Variants in PLEKHD1 observed in about 807,000 individuals in gnomAD.
The protein encoded by PLEKHD1 is pleckstrin homology and coiled-coil domain containing D1.
A neutral mutation model predicts 69.2 loss-of-function variants in PLEKHD1; 51 were observed. The observed-to-expected ratio is 0.74, with a 90% CI of 0.59 to 0.93. PLEKHD1 has a LOEUF of 0.93. PLEKHD1 is among the 40% of genes least tolerant of loss of function. The probability of loss-of-function intolerance (pLI) is 0.00; values close to 1 mark genes in which losing one functional copy is unlikely to be tolerated. For missense variants in PLEKHD1, 584 were observed against 641.0 expected (o/e 0.91, Z 0.96); for synonymous variants, 236 against 244.7 (o/e 0.96, Z 0.33).
Position 69,496,288 on chromosome 14 carries a change from A to G in PLEKHD1, c.150-3827A>G, listed in dbSNP as rs561225442. Among the ~76,000 whole-genome samples, 4 of 152,304 alleles carry G rather than the reference A, an allele frequency of 2.6e-5. No homozygotes were observed. The South Asian group carries it at 8.3e-4, about 32-fold the overall frequency. On this transcript the variant is annotated intron_variant, in intron 1 of 12. Coordinates refer to ENST00000322564, the MANE Select transcript of PLEKHD1 (RefSeq NM_001161498.2). Reference sequence around the variant, plus strand: ...TGGGTGGGGCTCCAGAAGTGACAGGAAGGCATAAAGGTATTTATTTGTTTC... The same window carrying G: ...TGGGTGGGGCTCCAGAAGTGACAGGGAGGCATAAAGGTATTTATTTGTTTC...
At chr14:69,526,587 G>A in intron 9 of PLEKHD1, 110 bp from the exon 10 acceptor site, 2 of 1,328,560 alleles carry the variant, frequency 1.5e-6, no homozygotes, top group Non-Finnish European at 2.0e-6. Flanking sequence ...GGCTCATAAA[G>A]CCTGGGATTC....
At chr14:69,507,174 G>A (rs1883172317) in intron 6 of PLEKHD1, among the ~76,000 whole-genome samples, 1 of 152,062 alleles carries the variant, frequency 6.6e-6, no homozygotes. Flanking sequence ...ACAGGCATGA[G>A]CCACCGTGCC....
intron 6 of PLEKHD1, among the ~76,000 whole-genome samples, chr14:69,521,527 G>A (rs564667694): frequency 9.8e-5 from 15 of 152,316 alleles, no homozygotes; most frequent in African/African-American, 3.1e-4. Flanking sequence ...CTCCCACAGT[G>A]TAAAATGTGG....
At chr14:69,483,887 T>C (rs1375824903), upstream of PLEKHD1, among the ~76,000 whole-genome samples, 1 of 152,194 alleles carries the variant, frequency 6.6e-6, no homozygotes, top group Non-Finnish European at 1.5e-5. Context: ...GGCATCTCCC[T>C]GGCCTGAAAA....
rs375022389 is a variant in PLEKHD1, at chr14:69,484,954, C to T, written c.-12C>T. On this transcript the variant is annotated 5_prime_UTR_variant, in exon 1 of 13. Coordinates refer to ENST00000322564, the MANE Select transcript of PLEKHD1 (RefSeq NM_001161498.2). ...GTGGGGTCCGGGCCGGGCACAGCCC[C>T]GCTGAGGCAGGATGTTCACGTCCAA... 37 of 1,549,830 alleles carry T rather than the reference C, an allele frequency of 2.4e-5. No individual in the cohort carries two copies. Among genetic ancestry groups the T allele is most frequent in the Non-Finnish European group, 3.1e-5 (35 of 1,146,190 alleles).
At position 69,495,046 on chromosome 14, in the gene PLEKHD1, G is replaced by A. The variant is rs576472983; in HGVS notation, c.150-5069G>A. On this transcript the variant is annotated intron_variant, in intron 1 of 12. Transcript: ENST00000322564. ...TTCTGGGGACAGCTGCAGCCAGGCCGGGTGTGGCATGTGTGATGTGTGGGC... is the reference window on the plus strand; with the variant it reads ...TTCTGGGGACAGCTGCAGCCAGGCCAGGTGTGGCATGTGTGATGTGTGGGC... 5.3e-5 allele frequency among the ~76,000 whole-genome samples: 8 copies of A among 152,258 alleles called. No homozygotes were observed. The South Asian group carries it at 1.0e-3, about 20-fold the overall frequency.
chr14:69,476,527 G>T, the PLEKHD1 span, among the ~76,000 whole-genome samples: 1 of 151,938 alleles, frequency 6.6e-6, no homozygotes, highest in Non-Finnish European at 1.5e-5. Flanking sequence ...TGGCATCACT[G>T]CACTCTAGCC....
In PLEKHD1 at chr14:69,501,798, T is replaced by C. The variant is rs370472092; in HGVS notation, c.475T>C (p.Leu159=). The C allele has an allele frequency of 4.1e-4, 643 of 1,551,390 alleles. 3 individuals are homozygous for C. In the African/African-American group the frequency reaches 8.1e-3, roughly 19 times the overall value. Residue 159 remains leucine (L), a synonymous_variant, in exon 5 of 13, where the codon TTG becomes CTG. Coordinates refer to ENST00000322564, the MANE Select transcript of PLEKHD1 (RefSeq NM_001161498.2). Reference sequence around the variant, plus strand: ...AAGCCTGGAGGCCCAGGGGCTGCAGTTGGCTAAGGAAAAGCAGGAGTATTT... The same window carrying C: ...AAGCCTGGAGGCCCAGGGGCTGCAGCTGGCTAAGGAAAAGCAGGAGTATTT... ...IKSLEAQGLQ[L]AKEKQEYLDK...
chr14:69,468,052 G>A, the PLEKHD1 span, among the ~76,000 whole-genome samples: 10 of 152,254 alleles, frequency 6.6e-5, no homozygotes, highest in African/African-American at 1.9e-4. Flanking sequence ...AGAAATAAAG[G>A]CCACATTCTT....
intron 7 of PLEKHD1, among the ~76,000 whole-genome samples, chr14:69,523,802 G>T (rs749080821): frequency 2.0e-5 from 3 of 152,172 alleles, no homozygotes; most frequent in Admixed American, 6.5e-5. Flanking sequence ...AAAAGCCTAA[G>T]GTGACTGAAG....
chr14:69,470,016 C>A, the PLEKHD1 span, among the ~76,000 whole-genome samples: 1 of 151,944 alleles, frequency 6.6e-6, no homozygotes. Flanking sequence ...GCCACCGTGC[C>A]CTGCCAAGTT....
At chr14:69,478,470 T>A in the PLEKHD1 span, among the ~76,000 whole-genome samples, 1 of 152,164 alleles carries the variant, frequency 6.6e-6, no homozygotes, top group East Asian at 1.9e-4. Flanking sequence ...AGGCTGCAAA[T>A]TTTCTGAACT....
At chr14:69,469,238 A>G in the PLEKHD1 span, among the ~76,000 whole-genome samples, 1 of 152,176 alleles carries the variant, frequency 6.6e-6, no homozygotes, top group East Asian at 1.9e-4. Context: ...ACCCCTTCCC[A>G]GGATCAGAGA....
At chr14:69,515,230 GA>G (rs1883358793) in intron 6 of PLEKHD1, among the ~76,000 whole-genome samples, 1 of 152,118 alleles carries the variant, frequency 6.6e-6, no homozygotes, top group Non-Finnish European at 1.5e-5. Flanking sequence ...CAAAAAAACA[GA>G]ATGCTGTGTT....
chr14:69,477,124 G>A, the PLEKHD1 span, among the ~76,000 whole-genome samples: 869 of 152,194 alleles, frequency 5.7e-3, 7 homozygotes, highest in African/African-American at 0.019. Context: ...CAATTCTCCC[G>A]CCTCAGCCTC....
At chr14:69,476,878 T>C in the PLEKHD1 span, among the ~76,000 whole-genome samples, 1 of 152,226 alleles carries the variant, frequency 6.6e-6, no homozygotes, top group Non-Finnish European at 1.5e-5. Context: ...AGAGGTTTAT[T>C]GGACTTACAG....
Position 69,527,690 on chromosome 14 carries a change from C to G in PLEKHD1, c.1202-93C>G, listed in dbSNP as rs1021384308. Reference sequence around the variant, plus strand: ...CGAGGGACGGGGTCAAAATATTTCCCACTCAATCTCACCAGGATCCTTGGG... The same window carrying G: ...CGAGGGACGGGGTCAAAATATTTCCGACTCAATCTCACCAGGATCCTTGGG... On this transcript the variant is annotated intron_variant, in intron 11 of 12. Transcript: ENST00000322564. 6 of 1,443,344 alleles carry G rather than the reference C, an allele frequency of 4.2e-6. No individual in the cohort carries two copies. In the South Asian group the frequency reaches 6.5e-5, roughly 16 times the overall value. The allele number at this position is 1,443,344 out of a possible 1,614,324, so 89.4% of individuals were successfully genotyped here.
At chr14:69,489,316 T>C (rs1283024948) in intron 1 of PLEKHD1, among the ~76,000 whole-genome samples, 2 of 152,136 alleles carry the variant, frequency 1.3e-5, no homozygotes, top group South Asian at 2.1e-4. Flanking sequence ...TCCAGCACTT[T>C]GGGAGTCCAA....
intron 6 of PLEKHD1, among the ~76,000 whole-genome samples, chr14:69,513,200 C>T (rs961770596): frequency 2.0e-5 from 3 of 150,532 alleles, no homozygotes; most frequent in African/African-American, 4.9e-5. Flanking sequence ...GCCTGGGTGG[C>T]AGAGGAAGAC....
Sources: allele counts gnomAD v4.1 joint callset (sites outside exome capture counted in the v4.1 genomes callset), GRCh38; gene constraint gnomAD v4.1.1; transcripts MANE v1.5; gene names NCBI Gene and HGNC (gene_info 2026-07-23, HGNC 2026-07-21).